TTC28: variants seen among roughly 807,000 people sequenced by gnomAD.
TTC28 encodes the protein tetratricopeptide repeat protein 28.
A neutral mutation model predicts 198.0 loss-of-function variants in TTC28; 61 were observed. That is an observed-to-expected ratio of 0.31 (90% CI 0.25 to 0.38). The LOEUF (loss-of-function observed/expected upper bound fraction) is 0.38. Among genes scored for constraint, TTC28 ranks in the 10% least tolerant of loss-of-function variants. The pLI, the probability that TTC28 is intolerant of heterozygous loss-of-function variation, is 1.00. For missense variants in TTC28, 2,678 were observed against 3,164.0 expected, an observed-to-expected ratio of 0.85 and a Z score of 3.69; for synonymous variants, 1,171 against 1,297.8, an observed-to-expected ratio of 0.90 and a Z score of 2.10.
At chr22:28,232,485 A>G (rs1928886816) in intron 5 of TTC28, among the ~76,000 whole-genome samples, 2 of 152,214 alleles carry the variant, frequency 1.3e-5, no homozygotes, top group South Asian at 4.1e-4. Context: ...ACATAGAGAA[A>G]GCTGCTAGTC....
intron 2 of TTC28, among the ~76,000 whole-genome samples, chr22:28,433,624 C>A: frequency 6.6e-6 from 1 of 152,034 alleles, no homozygotes; most frequent in Non-Finnish European, 1.5e-5. Flanking sequence ...TAATATAGAA[C>A]TAGTTAATAT....
chr22:28,567,378 G>T (rs1163318725), intron 2 of TTC28, among the ~76,000 whole-genome samples: 1 of 144,006 alleles, frequency 6.9e-6, no homozygotes, highest in Non-Finnish European at 1.5e-5. Flanking sequence ...GACACAGCAA[G>T]ACCCTGTCTC....
At chr22:28,289,863 T>C (rs2044754771) in intron 5 of TTC28, among the ~76,000 whole-genome samples, 1 of 151,778 alleles carries the variant, frequency 6.6e-6, no homozygotes, top group Non-Finnish European at 1.5e-5. Flanking sequence ...CCATCTCTAC[T>C]AAAAATAAAA....
chr22:28,601,057 T>C (rs1047409489), intron 2 of TTC28, among the ~76,000 whole-genome samples: 1 of 152,174 alleles, frequency 6.6e-6, no homozygotes, highest in African/African-American at 2.4e-5. Flanking sequence ...TATTAGGAAA[T>C]TAACCAACTC....
intron 2 of TTC28, among the ~76,000 whole-genome samples, chr22:28,403,442 TGCCC>T (rs1844878591): frequency 1.3e-5 from 2 of 152,206 alleles, no homozygotes; most frequent in Non-Finnish European, 2.9e-5. Flanking sequence ...AATGAACAAT[TGCCC>T]TGCACCCTTG....
At chr22:28,185,590 A>T (rs1045625371) in intron 5 of TTC28, among the ~76,000 whole-genome samples, 1 of 152,216 alleles carries the variant, frequency 6.6e-6, no homozygotes, top group Non-Finnish European at 1.5e-5. Flanking sequence ...GCTGTCAATT[A>T]TAAGAATTTT....
rs1038897591 is a variant in TTC28, at chr22:28,013,464, A to C, written c.4218+784T>G. 9.2e-5 allele frequency among the ~76,000 whole-genome samples: 14 copies of C among 152,352 alleles called. No individual in the cohort carries two copies. The South Asian group carries it at 2.3e-3, about 25-fold the overall frequency. ...TGTGCAAAGACCAGGGCAGGTGAAT[A>C]CACACCACAGAAAACCTGTCTGTGG... On this transcript the variant is annotated intron_variant, in intron 14 of 22. Transcript: ENST00000397906.
intron 2 of TTC28, among the ~76,000 whole-genome samples, chr22:28,318,792 T>C (rs1272542271): frequency 2.0e-5 from 3 of 147,992 alleles, no homozygotes; most frequent in African/African-American, 7.4e-5. Context: ...CGGAGAAAAA[T>C]GTAGGCTGGG....
chr22:28,561,706 C>T (rs1297117865), intron 2 of TTC28, among the ~76,000 whole-genome samples: 1 of 152,210 alleles, frequency 6.6e-6, no homozygotes, highest in African/African-American at 2.4e-5. Context: ...TGTTTTCACA[C>T]TCTCAATGCT....
intron 2 of TTC28, among the ~76,000 whole-genome samples, chr22:28,315,372 T>G (rs1361794019): frequency 1.3e-5 from 2 of 152,210 alleles, no homozygotes; most frequent in Non-Finnish European, 2.9e-5. Flanking sequence ...GTTTTTGATA[T>G]TGCTTCAGAG....
At chr22:28,425,001 T>A (rs577725877) in intron 2 of TTC28, among the ~76,000 whole-genome samples, 125 of 152,334 alleles carry the variant, frequency 8.2e-4, no homozygotes, top group Non-Finnish European at 1.6e-3. Context: ...AAAAGCCTTT[T>A]GACATTTGAC....
At chr22:28,049,850 G>A (rs1351249430) in intron 12 of TTC28, among the ~76,000 whole-genome samples, 1 of 152,072 alleles carries the variant, frequency 6.6e-6, no homozygotes, top group African/African-American at 2.4e-5. Flanking sequence ...GTAGGAGCAA[G>A]GGCCTGTGGG....
At chr22:28,315,996 C>T (rs1014817221) in intron 2 of TTC28, among the ~76,000 whole-genome samples, 6 of 152,174 alleles carry the variant, frequency 3.9e-5, no homozygotes, top group Admixed American at 3.9e-4. Context: ...CTGATGAGGG[C>T]TGGGTGTCTT....
At chr22:28,679,524 G>A (rs1322779839) in intron 1 of TTC28, 98 bp downstream of exon 1, 1 of 788,858 alleles carries the variant, frequency 1.3e-6, no homozygotes, top group South Asian at 2.1e-5. Context: ...GACGCCTTCC[G>A]CCTCGCAGGC....
intron 2 of TTC28, among the ~76,000 whole-genome samples, chr22:28,562,236 C>G (rs1461064867): frequency 6.6e-6 from 1 of 152,152 alleles, no homozygotes; most frequent in Non-Finnish European, 1.5e-5. Context: ...CTCTTTCAGG[C>G]TAACGAAAAA....
chr22:28,580,313 A>G (rs775213149), intron 2 of TTC28, among the ~76,000 whole-genome samples: 1 of 152,126 alleles, frequency 6.6e-6, no homozygotes, highest in Non-Finnish European at 1.5e-5. Context: ...CCTCCCTACA[A>G]AGATGCCCTT....
chr22:28,160,044 G>A (rs891858701), intron 6 of TTC28, among the ~76,000 whole-genome samples: 3 of 152,172 alleles, frequency 2.0e-5, no homozygotes, highest in Non-Finnish European at 4.4e-5. Flanking sequence ...TAGAAGGATG[G>A]TTACCAGAGG....
At chr22:28,233,940 G>A (rs2147235743) in intron 5 of TTC28, among the ~76,000 whole-genome samples, 1 of 140,638 alleles carries the variant, frequency 7.1e-6, no homozygotes, top group African/African-American at 2.7e-5. Context: ...ACAGAGTCTT[G>A]CTGTCGCCCA....
In TTC28 at chr22:28,194,140, A is replaced by G. The variant is rs189858122; in HGVS notation, c.934-30541T>C. 7.6e-4 allele frequency among the ~76,000 whole-genome samples: 115 copies of G among 152,024 alleles called. 1 individual carries two copies. The East Asian group carries it at 8.4e-3, about 11-fold the overall frequency. On this transcript the variant is annotated intron_variant, in intron 5 of 22. Transcript: ENST00000397906. ...AGGATTAAGAAACTCACTCAAAACC[A>G]CTCAACTATATGGAAACTGAACAAC...
Sources: gnomAD v4.1 joint callset for allele counts (sites outside exome capture counted in the v4.1 genomes callset) on GRCh38, gnomAD v4.1.1 for gene constraint, MANE v1.5 for transcripts, NCBI Gene and HGNC (gene_info 2026-07-23, HGNC 2026-07-21) for gene names.